The following PHF8 variants were observed in gnomAD, a reference collection of about 807,000 sequenced individuals.
PHF8 encodes PHD finger protein 8, also known as histone lysine demethylase PHF8.
Under a neutral mutation model 74.4 loss-of-function variants are expected in PHF8, and 9 were observed. The observed-to-expected ratio is 0.12, with a 90% CI of 0.07 to 0.21. PHF8 has a LOEUF of 0.21. Ranked by LOEUF, PHF8 falls within the 10% of genes least tolerant of loss-of-function variation. The pLI, the probability that PHF8 is intolerant of heterozygous loss-of-function variation, is 1.00. For missense variants in PHF8, 478 were observed against 816.6 expected, an observed-to-expected ratio of 0.59 and a Z score of 5.05; for synonymous variants, 311 against 316.6, an observed-to-expected ratio of 0.98 and a Z score of 0.19.
chrX:54,042,867 C>A, intron 1 of PHF8, 47 bp from the exon 2 acceptor site: 1 of 929,485 alleles, frequency 1.1e-6, no homozygotes. Context: ...CCCCCGCCCC[C>A]CACCCCCTTG....
At chrX:54,012,221 T>C (rs1557106935) in intron 7 of PHF8, among the ~76,000 whole-genome samples, 1 of 111,457 alleles carries the variant, frequency 9.0e-6, no homozygotes, top group African/African-American at 3.3e-5. Flanking sequence ...TATATAACCA[T>C]TTTATTGTGT....
At chrX:53,999,023 A>G (rs1185337882) in intron 11 of PHF8, among the ~76,000 whole-genome samples, 2 of 112,381 alleles carry the variant, frequency 1.8e-5, no homozygotes, top group East Asian at 5.6e-4. Flanking sequence ...CATTCCTGCA[A>G]AAGAATATCA....
upstream of PHF8, among the ~76,000 whole-genome samples, chrX:54,047,554 A>G (rs1557117656): frequency 8.9e-6 from 1 of 111,855 alleles, no homozygotes; most frequent in East Asian, 2.8e-4. Context: ...GAAACAGTCA[A>G]TGATCAAATA....
intron 4 of PHF8, among the ~76,000 whole-genome samples, chrX:54,020,122 G>A (rs2149884218): frequency 8.9e-6 from 1 of 111,973 alleles, no homozygotes; most frequent in African/African-American, 3.2e-5. Context: ...GGAGGCGGAG[G>A]TTGCAGTGAG....
intron 2 of PHF8, among the ~76,000 whole-genome samples, chrX:54,035,130 G>A (rs1215276964): frequency 1.8e-5 from 2 of 111,048 alleles, no homozygotes; most frequent in African/African-American, 6.5e-5. Flanking sequence ...AGGCTGAGGC[G>A]GGCAGATCAT....
intron 18 of PHF8, among the ~76,000 whole-genome samples, chrX:53,969,237 AAAC>A (rs1264959555): frequency 7.2e-5 from 8 of 111,449 alleles, no homozygotes; most frequent in African/African-American, 1.3e-4. Flanking sequence ...TCTGTCTCAA[AAAC>A]AACAACAACA....
intron 8 of PHF8, among the ~76,000 whole-genome samples, chrX:54,008,253 G>C (rs782277380): frequency 9.1e-6 from 1 of 109,802 alleles, no homozygotes; most frequent in African/African-American, 3.3e-5. Context: ...TGTAGTCCCG[G>C]CTATGCGGGA....
chrX:54,033,626 T>C (rs782467739), intron 2 of PHF8, among the ~76,000 whole-genome samples: 6 of 111,732 alleles, frequency 5.4e-5, no homozygotes, highest in African/African-American at 2.0e-4. Context: ...GGCAGGAGAA[T>C]CACTTGAACC....
chrX:54,030,828 T>C (rs1328094502), intron 2 of PHF8, among the ~76,000 whole-genome samples: 2 of 112,164 alleles, frequency 1.8e-5, no homozygotes, highest in African/African-American at 6.5e-5. Flanking sequence ...ACTCACTAGC[T>C]ATGTGAACTT....
In PHF8 at chrX:54,016,714, C is replaced by G; in HGVS notation, c.477G>C (p.Val159=). ...HYVGSDKEID[V]IDVTRQADCK... is the part of the protein sequence containing the mutation. ...AGTCAGCCTGGCGGGTCACATCAAT[C>G]ACATCAATCTCTTTGTCAGAACCTG... is the stretch of plus-strand genomic sequence containing the variant. Residue 159 remains valine, a synonymous_variant, in exon 6 of 22, where the codon GTG becomes GTC. Transcript: ENST00000338154. 8.3e-7 allele frequency: 1 copy of G among 1,205,625 alleles called. No individual in the cohort carries two copies. Among genetic ancestry groups the G allele is most frequent in the South Asian group, 1.8e-5 (1 of 56,837 alleles).
At chrX:53,962,699 G>A (rs781843685) in intron 19 of PHF8, 145 bp downstream of exon 19, 1 of 508,417 alleles carries the variant, frequency 2.0e-6, no homozygotes, top group African/African-American at 2.3e-5. Context: ...CACAGTGCCT[G>A]ACACACAGCA....
At chrX:53,967,397 C>T (rs1352414058) in intron 18 of PHF8, among the ~76,000 whole-genome samples, 29 of 101,001 alleles carry the variant, frequency 2.9e-4, no homozygotes, top group Non-Finnish European at 4.2e-4. Flanking sequence ...CCAGCCGCCC[C>T]GTCCGGGAGG....
chrX:54,013,097 G>A (rs945128935), intron 7 of PHF8, among the ~76,000 whole-genome samples: 2 of 111,047 alleles, frequency 1.8e-5, no homozygotes, highest in Admixed American at 1.9e-4. Context: ...CAGCTTGGGT[G>A]ACAGAGACAG....
chrX:53,988,836 C>CA (rs1327819244), intron 14 of PHF8, among the ~76,000 whole-genome samples: 25 of 109,423 alleles, frequency 2.3e-4, no homozygotes, highest in Non-Finnish European at 4.6e-4. Context: ...CAAACACACA[C>CA]AAAAATGGTA....
At chrX:53,985,977 G>T (rs1557099487) in intron 16 of PHF8, 28 bp from the exon 17 acceptor site, 2 of 1,203,266 alleles carry the variant, frequency 1.7e-6, no homozygotes, top group Admixed American at 2.2e-5. Context: ...TATCACCTCA[G>T]CTGCCCAGGA....
In PHF8 at chrX:53,938,324, CA is replaced by C; in HGVS notation, c.*833del. The C allele has an allele frequency of 1.0e-6, 1 of 996,933 alleles. No homozygotes were observed. 82.2% of individuals were successfully genotyped at this position (996,933 alleles called of 1,213,427 possible). ...CCACCTGCCAGGGCCCAGCCACAGC[CA>C]CAGCCACAGCCACGTGGATAATGTT... On this transcript the variant is annotated 3_prime_UTR_variant, in exon 22 of 22. Transcript: ENST00000338154.
Position 53,993,744 on chromosome X carries a change from G to A in PHF8, c.1483C>T (p.Leu495=), listed in dbSNP as rs1273569018. ...TTCTTGAAGAGTTCCTTGGGCTTCA[G>A]GCCTTTCTTCTTTGAACCATTTTTG... ...PSKNGSKKKG[L]KPKELFKKAE... Residue 495 remains leucine, a synonymous_variant, in exon 13 of 22, where the codon CTG becomes TTG. Transcript: ENST00000338154. 8 of 1,210,597 alleles carry A rather than the reference G, an allele frequency of 6.6e-6. No homozygotes were observed. The highest frequency in any genetic ancestry group is 8.9e-6 in the Non-Finnish European group (8 of 895,030).
At chrX:53,941,284 C>T (rs1316231060) in intron 20 of PHF8, among the ~76,000 whole-genome samples, 3 of 112,190 alleles carry the variant, frequency 2.7e-5, no homozygotes, top group Admixed American at 9.4e-5. Context: ...AGTAGATATT[C>T]GACAAGTGGT....
chrX:53,954,656 T>C (rs1239440729), intron 19 of PHF8, among the ~76,000 whole-genome samples: 3 of 107,228 alleles, frequency 2.8e-5, no homozygotes, highest in African/African-American at 1.0e-4. Context: ...TATATATATA[T>C]ATATATATAG....
Sources: allele counts gnomAD v4.1 joint callset (sites outside exome capture counted in the v4.1 genomes callset), GRCh38; gene constraint gnomAD v4.1.1; transcripts MANE v1.5; gene names NCBI Gene and HGNC (gene_info 2026-07-23, HGNC 2026-07-21).